Variants in APOL3 observed in about 807,000 individuals in gnomAD.
The protein encoded by APOL3 is apolipoprotein L3.
In APOL3, 14 loss-of-function variants were observed where a neutral mutation model predicts 11.6. The ratio of observed to expected loss-of-function variants is 1.21; its 90% CI spans 0.80 to 1.89. The LOEUF is 1.89. APOL3 is among the 40% of genes most tolerant of loss of function. The probability of loss-of-function intolerance (pLI) is 0.00; values close to 1 mark genes in which losing one functional copy is unlikely to be tolerated. For synonymous variants in APOL3, 192 were observed against 190.6 expected (o/e 1.01, Z -0.06); for missense variants, 483 against 492.1 (o/e 0.98, Z 0.17).
chr22:36,145,673 T>C, intron 1 of APOL3, 74 bp from the exon 3 acceptor site: 2 of 1,567,504 alleles, frequency 1.3e-6, no homozygotes, highest in Non-Finnish European at 1.7e-6. Context: ...ATAAGGTGGT[T>C]CGAGGTTAAT....
In APOL3 at chr22:36,141,335, G is replaced by C. The variant is rs562555720; in HGVS notation, c.1074C>G (p.Tyr358Ter). 4 of 1,613,978 alleles carry C rather than the reference G, an allele frequency of 2.5e-6. No individual in the cohort carries two copies. Among genetic ancestry groups the C allele is most frequent in the Non-Finnish European group, 3.4e-6 (4 of 1,180,022 alleles). The change falls in exon 3 of 3, where the codon TAC becomes TAG. Residue 358 changes from tyrosine to a stop codon, truncating the protein, a stop_gained. Transcript: ENST00000349314. LOFTEE classifies it low-confidence loss of function (END_TRUNC). ...CCCCCTCATGCAAGTGCTTTGACTCGTATACAAGGTTGACCACATCCAGTG... is the reference window on the plus strand; with the variant it reads ...CCCCCTCATGCAAGTGCTTTGACTCCTATACAAGGTTGACCACATCCAGTG...
rs972982245 is a variant in APOL3, at chr22:36,141,435, G to A, written c.974C>T (p.Thr325Met). 26 of 1,614,008 alleles carry A rather than the reference G, an allele frequency of 1.6e-5. No individual in the cohort carries two copies. The highest frequency in any genetic ancestry group is 2.7e-5 in the African/African-American group (2 of 74,922). ...CACTGCCCGGGTGGTGCCTGCAATC[G>A]TTCTCTCTGCTTGACCACCACTTCC... is the stretch of plus-strand genomic sequence containing the variant. The change falls in exon 3 of 3, where the codon ACG becomes ATG. Residue 325 changes from threonine to methionine, a missense_variant. By Grantham distance (81) the Thr-to-Met change is moderately conservative (BLOSUM62 -1). Transcript: ENST00000349314.
chr22:36,153,227 G>T, intron 1 of APOL3: 1 of 328,532 alleles, frequency 3.0e-6, no homozygotes, highest in Non-Finnish European at 6.1e-6. Context: ...CTTATTAATT[G>T]ATTTTTTTAA....
At position 36,141,426 on chromosome 22, in the gene APOL3, C is replaced by G. The variant is rs535015896; in HGVS notation, c.983G>C (p.Gly328Ala). The G allele has an allele frequency of 5.6e-6, 9 of 1,614,116 alleles. No homozygotes were observed. The African/African-American group carries it at 8.0e-5, about 14-fold the overall frequency. Residue 328 changes from glycine (G) to alanine (A), a missense_variant, in exon 3 of 3, where the codon GGC (glycine) becomes GCC (alanine). Physicochemically the swap from Gly to Ala is moderately conservative, Grantham distance 60. Coordinates refer to ENST00000349314, the Ensembl canonical transcript of APOL3. ...TCCTCTGCTCACTGCCCGGGTGGTG[C>G]CTGCAATCGTTCTCTCTGCTTGACC...
At chr22:36,146,001 T>TCTCTCTCTCTCTCC in intron 1 of APOL3, 1 of 67,988 alleles carries the variant, frequency 1.5e-5, no homozygotes, top group Non-Finnish European at 3.6e-5. Context: ...TCTCTCTCTC[T>TCTCTCTCTCTCTCC]CACACACTCA....
chr22:36,145,490 A>G, exon 2 of APOL3: 1 of 1,614,124 alleles, frequency 6.2e-7, no homozygotes, highest in Non-Finnish European at 8.5e-7. Flanking sequence ...ATTCAGCCGC[A>G]GTCACGAATC....
At chr22:36,160,173 G>A (rs191615957) in intron 1 of APOL3, among the ~76,000 whole-genome samples, 4 of 151,984 alleles carry the variant, frequency 2.6e-5, no homozygotes, top group Admixed American at 6.6e-5. Context: ...ATGAGCCACC[G>A]CGCCCAGCCA....
At chr22:36,141,722 C>T (rs146525352) in exon 3 of APOL3, 92 of 1,613,910 alleles carry the variant, frequency 5.7e-5, no homozygotes, top group African/African-American at 2.5e-4. Flanking sequence ...TCACAGCAGA[C>T]GCTGCTCCCA....
At position 36,157,049 on chromosome 22, in the gene APOL3, G is replaced by A. The variant is rs77865172; in HGVS notation, c.223+3620C>T. ...AATAAGACCATGACTCTGATTTCAT[G>A]TACTTTTGGTGGCTCTATCAGGTTT... On this transcript the variant is annotated intron_variant, in intron 1 of 2. Coordinates refer to ENST00000349314, the Ensembl canonical transcript of APOL3. 1.8e-3 allele frequency: 801 copies of A among 456,016 alleles called. 1 individual carries two copies. The highest frequency in any genetic ancestry group is 4.2e-3 in the Middle Eastern group (13 of 3,076). 28.2% of individuals were successfully genotyped at this position (456,016 alleles called of 1,614,324 possible). A position where few individuals can be genotyped will look rare whatever the true frequency, so the allele number is the denominator to read the frequency against.
chr22:36,148,661 G>A (rs917568651), intron 1 of APOL3, among the ~76,000 whole-genome samples: 14 of 152,192 alleles, frequency 9.2e-5, no homozygotes, highest in Non-Finnish European at 1.8e-4. Flanking sequence ...TGGGAGCAGA[G>A]CGGGAGGTCA....
At chr22:36,156,972 T>C (rs1325108668) in intron 1 of APOL3, 3 of 456,272 alleles carry the variant, frequency 6.6e-6, no homozygotes, top group East Asian at 6.9e-5. Context: ...AGTTGAGGGA[T>C]TGAATGTTTT....
exon 3 of APOL3, chr22:36,141,003 A>T (rs1277980179): frequency 2.8e-6 from 2 of 714,746 alleles, no homozygotes; most frequent in Non-Finnish European, 4.6e-6. Flanking sequence ...AGGCTCCAGC[A>T]TTCCTGCCTT....
At chr22:36,164,455 C>G (rs2013809201), upstream of APOL3, 1 of 152,180 alleles carries the variant, frequency 6.6e-6, no homozygotes, top group Non-Finnish European at 1.5e-5. Context: ...ACTCCTTTGT[C>G]TTCTATCTTC....
chr22:36,141,836 G>A lies in APOL3; in HGVS notation c.573C>T (p.Ser191=), dbSNP rs747086358. The A allele has an allele frequency of 4.3e-6, 7 of 1,614,068 alleles. No homozygotes were observed. In the East Asian group the frequency reaches 1.3e-4, roughly 31 times the overall value. Residue 191 remains serine (S), a synonymous_variant, in exon 3 of 3, where the codon TCC becomes TCT. Coordinates refer to ENST00000349314, the Ensembl canonical transcript of APOL3. ...TGCCAGAGGCAGCGCCAGTGGAGCT[G>A]GACACCACATTGGAGATGGTGCAGC...
At chr22:36,145,657 T>C (rs2060171782) in intron 1 of APOL3, 58 bp from the exon 3 acceptor site, 5 of 1,597,574 alleles carry the variant, frequency 3.1e-6, no homozygotes, top group Middle Eastern at 4.2e-4. Flanking sequence ...CTAAATGGCA[T>C]TGAGAATAAG....
intron 1 of APOL3, chr22:36,154,661 C>T (rs975492900): frequency 1.3e-5 from 6 of 470,624 alleles, no homozygotes; most frequent in African/African-American, 1.2e-4. Context: ...AGAATAGTAA[C>T]CACACACAGG....
At chr22:36,148,940 G>T in intron 1 of APOL3, 106 bp downstream of exon 2, 1 of 1,147,766 alleles carries the variant, frequency 8.7e-7, no homozygotes, top group Non-Finnish European at 1.2e-6. Flanking sequence ...TCATCGGCCT[G>T]CTTGACCATC....
rs132619 is a variant in APOL3, at chr22:36,141,623, T to G, written c.786A>C (p.Arg262=). 5.2e-3 allele frequency: 8,383 copies of G among 1,614,188 alleles called. 23 individuals are homozygous for G. The highest frequency in any genetic ancestry group is 6.2e-3 in the Non-Finnish European group (7,324 of 1,180,038). ...GCATAACTTCCTTAAATACCTTCAA[T>G]CGGTCAATGCTGGTTGCAGTCAGCC... Residue 262 remains arginine (R), a synonymous_variant, in exon 3 of 3, where the codon CGA becomes CGC. Coordinates refer to ENST00000349314, the Ensembl canonical transcript of APOL3.
At chr22:36,149,000 A>G (rs1302497060) in intron 1 of APOL3, 46 bp downstream of exon 2, 1 of 1,362,132 alleles carries the variant, frequency 7.3e-7, no homozygotes, top group African/African-American at 1.5e-5. Context: ...CCTCCATTCT[A>G]GGTGCGAGTA....
Sources: gnomAD v4.1 joint callset for allele counts (sites outside exome capture counted in the v4.1 genomes callset) on GRCh38, gnomAD v4.1.1 for gene constraint, MANE v1.5 for transcripts, NCBI Gene and HGNC (gene_info 2026-07-23, HGNC 2026-07-21) for gene names.